PCDHGA1: variants seen among roughly 807,000 people sequenced by gnomAD.
PCDHGA1 encodes protocadherin gamma subfamily A, 1.
PCDHGA1 carries 32 observed loss-of-function variants against 58.0 expected under a neutral mutation model. That is an observed-to-expected ratio of 0.55 (90% CI 0.42 to 0.74). PCDHGA1 has a LOEUF of 0.74. PCDHGA1 is among the 30% of genes least tolerant of loss of function. The probability of loss-of-function intolerance (pLI) is 0.00; values close to 1 mark genes in which losing one functional copy is unlikely to be tolerated. For synonymous variants in PCDHGA1, 498 were observed against 501.1 expected (o/e 0.99, Z 0.08); for missense variants, 1,205 against 1,182.3 (o/e 1.02, Z -0.28).
At chr5:141,365,434 G>A (rs770375441) in intron 1 of PCDHGA1, 6 of 1,613,902 alleles carry the variant, frequency 3.7e-6, no homozygotes, top group Non-Finnish European at 5.1e-6. Context: ...TAATCGCGCT[G>A]TTTAGCGTAC....
intron 1 of PCDHGA1, among the ~76,000 whole-genome samples, chr5:141,460,961 A>ATGTG (rs35821115): frequency 4.1e-5 from 6 of 144,616 alleles, no homozygotes; most frequent in South Asian, 2.2e-4. Context: ...GTATATATAT[A>ATGTG]TGTGTGTGTG....
chr5:141,453,101 T>TTTCTG (rs1554138035), intron 1 of PCDHGA1, among the ~76,000 whole-genome samples: 1 of 152,012 alleles, frequency 6.6e-6, no homozygotes, highest in Non-Finnish European at 1.5e-5. Context: ...TTCTGTTGCT[T>TTTCTG]TTTTGTTTTG....
intron 1 of PCDHGA1, chr5:141,413,227 G>A (rs552225139): frequency 1.9e-5 from 30 of 1,613,938 alleles, no homozygotes; most frequent in Non-Finnish European, 2.5e-5. Flanking sequence ...CAGCGGGCTG[G>A]TCCTGCTCTG....
In PCDHGA1 at chr5:141,331,209, C is replaced by A; in HGVS notation, c.525C>A (p.Asn175Lys). The change falls in exon 1 of 4, where the codon AAC becomes AAA. Residue 175 changes from asparagine (N) to lysine (K), a missense_variant. Asn to Lys is a moderately conservative substitution (Grantham distance 94, BLOSUM62 0). Transcript: ENST00000517417. Reference protein sequence around the residue: ...NSLQSYQLSSNPHFSLDVQQG... With the variant: ...NSLQSYQLSSKPHFSLDVQQG... Reference sequence around the variant, plus strand: ...TCCAGAGCTACCAACTCAGCTCTAACCCTCATTTCTCCCTGGATGTGCAAC... The same window carrying A: ...TCCAGAGCTACCAACTCAGCTCTAAACCTCATTTCTCCCTGGATGTGCAAC... 3 of 1,614,120 alleles carry A rather than the reference C, an allele frequency of 1.9e-6. No individual in the cohort carries two copies. The highest frequency in any genetic ancestry group is 2.5e-6 in the Non-Finnish European group (3 of 1,180,028).
At chr5:141,393,917 C>A in intron 1 of PCDHGA1, 1 of 1,613,924 alleles carries the variant, frequency 6.2e-7, no homozygotes, top group Non-Finnish European at 8.5e-7. Flanking sequence ...TAATTGCCTT[C>A]TTGAGTGTGC....
rs928847931 is a variant in PCDHGA1 at position 141,385,514 on chromosome 5, G to A, written c.2421+52409G>A. 5 of 1,363,488 alleles carry A rather than the reference G, an allele frequency of 3.7e-6. No homozygotes were observed. The African/African-American group carries it at 5.9e-5, about 16-fold the overall frequency. The allele number at this position is 1,363,488 out of a possible 1,614,324, so 84.5% of individuals were successfully genotyped here. ...AGGATATAGTATTTCTTTAGTGAAA[G>A]CCTATGGACAAGATTATGAATATGT... is the stretch of plus-strand genomic sequence containing the variant. On this transcript the variant is annotated intron_variant, in intron 1 of 3. Transcript: ENST00000517417.
chr5:141,398,732 G>A (rs747131946), intron 1 of PCDHGA1: 4 of 1,613,778 alleles, frequency 2.5e-6, no homozygotes, highest in Admixed American at 1.7e-5. Flanking sequence ...ACCTTAGACC[G>A]GGAACAACAG....
intron 1 of PCDHGA1, among the ~76,000 whole-genome samples, chr5:141,482,804 G>T (rs1431490730): frequency 6.6e-6 from 1 of 152,194 alleles, no homozygotes; most frequent in East Asian, 1.9e-4. Flanking sequence ...GGGTACGGTG[G>T]CTCATGCCTG....
At chr5:141,383,101 T>C (rs1561594429) in intron 1 of PCDHGA1, 2 of 1,613,954 alleles carry the variant, frequency 1.2e-6, no homozygotes, top group Non-Finnish European at 8.5e-7. Flanking sequence ...CCGCATCATC[T>C]CCAGAGGTAG....
chr5:141,372,797 CA>C (rs1769078994), intron 1 of PCDHGA1: 2 of 1,597,434 alleles, frequency 1.3e-6, no homozygotes, highest in Admixed American at 3.5e-5. Flanking sequence ...CTAATTCAGG[CA>C]ATTTGCAAAA....
intron 1 of PCDHGA1, chr5:141,362,620 T>G (rs763103959): frequency 6.5e-7 from 1 of 1,527,082 alleles, no homozygotes; most frequent in Non-Finnish European, 8.8e-7. Context: ...GGGTAGGAAG[T>G]TCCACTGCGT....
intron 1 of PCDHGA1, chr5:141,421,470 A>T: frequency 2.5e-6 from 4 of 1,614,130 alleles, no homozygotes; most frequent in Non-Finnish European, 3.4e-6. Context: ...TGAATCCGCG[A>T]AGCGGCAGCT....
At chr5:141,413,445 C>G (rs764464917) in intron 1 of PCDHGA1, 105 of 1,613,986 alleles carry the variant, frequency 6.5e-5, no homozygotes, top group Non-Finnish European at 8.5e-5. Context: ...GCTTGATCAC[C>G]GCGGGCAGGA....
chr5:141,453,323 G>A (rs1313870724), intron 1 of PCDHGA1, among the ~76,000 whole-genome samples: 1 of 151,482 alleles, frequency 6.6e-6, no homozygotes, highest in Non-Finnish European at 1.5e-5. Context: ...TTTAGAGATG[G>A]GGTCTCACTA....
rs745334496 is a variant in PCDHGA1 at position 141,478,302 on chromosome 5, C to A, written c.2422-16505C>A. 47 of 1,613,952 alleles carry A rather than the reference C, an allele frequency of 2.9e-5. 1 individual carries two copies. In the Admixed American group the frequency reaches 7.0e-4, roughly 24 times the overall value. On this transcript the variant is annotated intron_variant, in intron 1 of 3. Transcript: ENST00000517417. ...AAGCAGTCTAGAGACCTATACCGAGCCCCGGTGAGCTCACTGTACCGAACA... is the reference window on the plus strand; with the variant it reads ...AAGCAGTCTAGAGACCTATACCGAGACCCGGTGAGCTCACTGTACCGAACA...
At chr5:141,350,082 G>A (rs1433237276) in intron 1 of PCDHGA1, 1 of 441,424 alleles carries the variant, frequency 2.3e-6, no homozygotes, top group Non-Finnish European at 3.9e-6. Flanking sequence ...CAATTCTGCA[G>A]GAGCGTCAGG....
At chr5:141,333,460 A>G (rs1268633655) in intron 1 of PCDHGA1, 1 of 384,748 alleles carries the variant, frequency 2.6e-6, no homozygotes, top group East Asian at 4.6e-5. Flanking sequence ...GCTCACCAAT[A>G]TTTAAATGAC....
At chr5:141,350,950 G>A (rs781241590) in intron 1 of PCDHGA1, 3 of 1,613,932 alleles carry the variant, frequency 1.9e-6, no homozygotes, top group South Asian at 1.1e-5. Flanking sequence ...TCCGAGTTAC[G>A]GATGCCAATG....
chr5:141,487,813 TG>T lies in PCDHGA1; in HGVS notation c.2422-6989del. 7.2e-7 allele frequency: 1 copy of T among 1,384,138 alleles called. No homozygotes were observed. 85.7% of individuals were successfully genotyped at this position (1,384,138 alleles called of 1,614,324 possible). A position where few individuals can be genotyped will look rare whatever the true frequency, so the allele number is the denominator to read the frequency against. On this transcript the variant is annotated intron_variant, in intron 1 of 3. Transcript: ENST00000517417. This position sits in a 1 kb window ranked among gnomAD's most constrained non-coding sequence, Gnocchi z 5.0. Reference sequence around the variant, plus strand: ...AACCAGAGTTGTCACAGTTTAGCATTGGGGGCGGGTCATGCCTATATCTGAG... The same window carrying T: ...AACCAGAGTTGTCACAGTTTAGCATTGGGGCGGGTCATGCCTATATCTGAG...
Sources: gnomAD v4.1 joint callset for allele counts (sites outside exome capture counted in the v4.1 genomes callset) on GRCh38, gnomAD v4.1.1 for gene constraint, Gnocchi (gnomAD v3.1) non-coding constraint, MANE v1.5 for transcripts, NCBI Gene and HGNC (gene_info 2026-07-23, HGNC 2026-07-21) for gene names.